Variants in JOSD2 observed in about 807,000 individuals in gnomAD.
JOSD2 encodes the protein Josephin domain containing 2.
In JOSD2, 20 loss-of-function variants were observed where a neutral mutation model predicts 19.3. The ratio of observed to expected loss-of-function variants is 1.04; its 90% CI spans 0.73 to 1.51. JOSD2 has a LOEUF of 1.51. JOSD2 is among the 40% of genes most tolerant of loss of function. The pLI is 0.00. For synonymous variants in JOSD2, 118 were observed against 123.7 expected (o/e 0.95, Z 0.31); for missense variants, 215 against 250.4 (o/e 0.86, Z 0.95).
At position 50,507,682 on chromosome 19, in the gene JOSD2, C is replaced by T. The variant is rs139728623; in HGVS notation, c.164G>A (p.Arg55Gln). The T allele has an allele frequency of 1.2e-4, 199 of 1,611,776 alleles. No homozygotes were observed. In the African/African-American group the frequency reaches 1.3e-3, roughly 11 times the overall value. ...EICKRLAPDS[R>Q]LNPHRSLLGT... Reference sequence around the variant, plus strand: ...CAGGAGGCTGCGATGAGGGTTCAGCCGGGAGTCTGGGGCCAACCTGGTAGT... The same window carrying T: ...CAGGAGGCTGCGATGAGGGTTCAGCTGGGAGTCTGGGGCCAACCTGGTAGT... Residue 55 changes from arginine to glutamine, a missense_variant, in exon 3 of 5, where the codon CGG becomes CAG. Physicochemically the swap from Arg to Gln is conservative, Grantham distance 43. Coordinates refer to ENST00000598418, the MANE Select transcript of JOSD2 (RefSeq NM_001270639.2).
chr19:50,510,328 T>C lies in JOSD2; in HGVS notation c.104A>G (p.Gln35Arg). 6.2e-7 allele frequency: 1 copy of C among 1,613,536 alleles called. No individual in the cohort carries two copies. ...AVHALNNVLQQQLFSQEAADE... is the reference protein window; with the variant it reads ...AVHALNNVLQRQLFSQEAADE... Reference sequence around the variant, plus strand: ...GGCAGCCTCCTGGCTAAAGAGCTGCTGCTGCAGAACGTTGTTGAGGGCGTG... The same window carrying C: ...GGCAGCCTCCTGGCTAAAGAGCTGCCGCTGCAGAACGTTGTTGAGGGCGTG... Residue 35 changes from glutamine to arginine, a missense_variant, in exon 2 of 5, where the codon CAG becomes CGG. Transcript: ENST00000598418.
Position 50,510,350 on chromosome 19 carries a change from C to T in JOSD2, c.82G>A (p.Ala28Thr), listed in dbSNP as rs1979707721. 3 of 1,613,574 alleles carry T rather than the reference C, an allele frequency of 1.9e-6. No individual in the cohort carries two copies. The highest frequency in any genetic ancestry group is 2.2e-5 in the South Asian group (2 of 91,092). The change falls in exon 2 of 5, where the codon GCC becomes ACC. Residue 28 changes from alanine to threonine, a missense_variant. Transcript: ENST00000598418. ...RQRLELCAVH[A>T]LNNVLQQQLF... Reference sequence around the variant, plus strand: ...TGCTGCTGCAGAACGTTGTTGAGGGCGTGGACAGCACACAGCTCCAGGCGC... The same window carrying T: ...TGCTGCTGCAGAACGTTGTTGAGGGTGTGGACAGCACACAGCTCCAGGCGC...
At chr19:50,510,720 T>C (rs556579314) in intron 1 of JOSD2, among the ~76,000 whole-genome samples, 13 of 152,172 alleles carry the variant, frequency 8.5e-5, no homozygotes, top group African/African-American at 2.9e-4. Context: ...GTCCCTATCA[T>C]GGTCACCTAG....
rs754803205 is a variant in JOSD2, at chr19:50,506,136, C to T, written c.*37G>A. ...GTGTGCGCAGCCGGAGGGGGATGCG[C>T]AGGGACTGCGCTGTGGGCGCCGATG... is the stretch of plus-strand genomic sequence containing the variant. On this transcript the variant is annotated 3_prime_UTR_variant, in exon 5 of 5. Coordinates refer to ENST00000598418, the MANE Select transcript of JOSD2 (RefSeq NM_001270639.2). 1 of 1,596,100 alleles carries T rather than the reference C, an allele frequency of 6.3e-7. No homozygotes were observed. The highest frequency in any genetic ancestry group is 8.6e-7 in the Non-Finnish European group (1 of 1,167,406).
chr19:50,506,442 C>T lies in JOSD2; in HGVS notation c.403G>A (p.Val135Ile). ...AGCTTGGAGTCCAGGTTGTAGTAGA[C>T]ACCGTCCACCTGGCGCAGGGCCACC... ...HWVALRQVDG[V>I]YYNLDSKLRA... The change falls in exon 4 of 5, where the codon GTC (valine) becomes ATC (isoleucine). Residue 135 changes from valine (V) to isoleucine (I), a missense_variant. By Grantham distance (29) the Val-to-Ile change is conservative. Coordinates refer to ENST00000598418, the MANE Select transcript of JOSD2 (RefSeq NM_001270639.2). The T allele has an allele frequency of 6.2e-7, 1 of 1,600,052 alleles. No individual in the cohort carries two copies. Among genetic ancestry groups the T allele is most frequent in the East Asian group, 2.3e-5 (1 of 44,100 alleles).
intron 2 of JOSD2, chr19:50,508,037 C>T (rs1979492914): frequency 5.0e-6 from 2 of 402,360 alleles, no homozygotes; most frequent in South Asian, 2.3e-5. Context: ...TCCTGTCTCT[C>T]CTGCCCTGAC....
Position 50,507,716 on chromosome 19 carries a change from C to A in JOSD2, c.147-17G>T. The A allele has an allele frequency of 6.2e-7, 1 of 1,606,422 alleles. No individual in the cohort carries two copies. ...GGGGCCAACCTGGTAGTGGGGGTGG[C>A]CAGAGCTGAGGTGGGGACCCCTGGA... is the stretch of plus-strand genomic sequence containing the variant. On this transcript the variant is annotated splice_polypyrimidine_tract_variant and intron_variant, in intron 2 of 4. Transcript: ENST00000598418.
intron 2 of JOSD2, among the ~76,000 whole-genome samples, chr19:50,509,382 T>C (rs1979590923): frequency 6.6e-6 from 1 of 152,036 alleles, no homozygotes; most frequent in South Asian, 2.1e-4. Context: ...TGTGAGCCAC[T>C]GCGCCCGGCC....
chr19:50,508,932 A>AGG (rs1000272945), intron 2 of JOSD2, among the ~76,000 whole-genome samples: 6 of 151,932 alleles, frequency 3.9e-5, no homozygotes, highest in Admixed American at 2.0e-4. Context: ...AGCAAGAGGC[A>AGG]GGGGAGGCAG....
intron 1 of JOSD2, 56 bp from the exon 2 acceptor site, chr19:50,510,504 C>T: frequency 1.3e-6 from 2 of 1,492,328 alleles, no homozygotes; most frequent in South Asian, 1.3e-5. Context: ...GAGGTCCAGC[C>T]TCCCAGCAGG....
chr19:50,506,136 C>G lies in JOSD2; in HGVS notation c.*37G>C, dbSNP rs754803205. 3.3e-5 allele frequency: 53 copies of G among 1,595,982 alleles called. No homozygotes were observed. Among genetic ancestry groups the G allele is most frequent in the Non-Finnish European group, 4.0e-5 (47 of 1,167,414 alleles). ...GTGTGCGCAGCCGGAGGGGGATGCGCAGGGACTGCGCTGTGGGCGCCGATG... is the reference window on the plus strand; with the variant it reads ...GTGTGCGCAGCCGGAGGGGGATGCGGAGGGACTGCGCTGTGGGCGCCGATG... On this transcript the variant is annotated 3_prime_UTR_variant, in exon 5 of 5. Transcript: ENST00000598418.
At chr19:50,507,779 A>G (rs1979473035) in intron 2 of JOSD2, 80 bp from the exon 3 acceptor site, 1 of 1,530,424 alleles carries the variant, frequency 6.5e-7, no homozygotes, top group South Asian at 1.2e-5. Context: ...AGGGGCCACA[A>G]GTTGCCTCAG....
chr19:50,510,191 GCCC>G lies in JOSD2; in HGVS notation c.146+92_146+94del, dbSNP rs1049789545. ...GCAAGTGAGCGCGGAGCAGAAGAAA[GCCC>G]CCAAGGCTCAGCGCCTGCCTGGCGG... is the stretch of plus-strand genomic sequence containing the variant. On this transcript the variant is annotated intron_variant, in intron 2 of 4. Coordinates refer to ENST00000598418, the MANE Select transcript of JOSD2 (RefSeq NM_001270639.2). 9 of 1,476,996 alleles carry G rather than the reference GCCC, an allele frequency of 6.1e-6. No homozygotes were observed. In the African/African-American group the frequency reaches 8.3e-5, roughly 14 times the overall value. The allele number at this position is 1,476,996 out of a possible 1,614,324, so 91.5% of individuals were successfully genotyped here.
chr19:50,508,704 T>C (rs2096374288), intron 2 of JOSD2, among the ~76,000 whole-genome samples: 2 of 131,846 alleles, frequency 1.5e-5, no homozygotes, highest in African/African-American at 3.2e-5. Context: ...CGCTCGTGTG[T>C]GTGTGTGTGT....
chr19:50,507,574 C>T lies in JOSD2; in HGVS notation c.272G>A (p.Arg91Lys), dbSNP rs766490562. The T allele has an allele frequency of 1.2e-6, 2 of 1,603,688 alleles. No homozygotes were observed. The highest frequency in any genetic ancestry group is 1.1e-5 in the South Asian group (1 of 90,968). Residue 91 changes from arginine (R) to lysine (K), a missense_variant and splice_region_variant, in exon 3 of 5, where the codon AGG becomes AAG. Arg to Lys is a conservative substitution (Grantham distance 26). Transcript: ENST00000598418. ...GLAAVWWDRRRPLSQLALPQV... is the reference protein window; with the variant it reads ...GLAAVWWDRRKPLSQLALPQV... Reference sequence around the variant, plus strand: ...CATGCTGTGCTGCTCTGGGGCCTACCTCCTCCTGTCCCACCACACGGCGGC... The same window carrying T: ...CATGCTGTGCTGCTCTGGGGCCTACTTCCTCCTGTCCCACCACACGGCGGC...
rs539085456 is a variant in JOSD2 at position 50,508,699 on chromosome 19, G to A, written c.147-1000C>T. Reference sequence around the variant, plus strand: ...GGCAGGACATGGGAGGAAAACGCTCGTGTGTGTGTGTGTGTGTGTGTGTGT... The same window carrying A: ...GGCAGGACATGGGAGGAAAACGCTCATGTGTGTGTGTGTGTGTGTGTGTGT... On this transcript the variant is annotated intron_variant, in intron 2 of 4. Coordinates refer to ENST00000598418, the MANE Select transcript of JOSD2 (RefSeq NM_001270639.2). Among the ~76,000 whole-genome samples, 21 of 8,214 alleles carry A rather than the reference G, an allele frequency of 2.6e-3. No homozygotes were observed. In the South Asian group the frequency reaches 0.089, roughly 35 times the overall value. 5.4% of individuals were successfully genotyped at this position (8,214 alleles called of 152,430 possible). A position where few individuals can be genotyped will look rare whatever the true frequency, so the allele number is the denominator to read the frequency against.
chr19:50,506,145 C>T lies in JOSD2; in HGVS notation c.*28G>A, dbSNP rs374045824. Reference sequence around the variant, plus strand: ...GCCGGAGGGGGATGCGCAGGGACTGCGCTGTGGGCGCCGATGGTCAGCCAT... The same window carrying T: ...GCCGGAGGGGGATGCGCAGGGACTGTGCTGTGGGCGCCGATGGTCAGCCAT... On this transcript the variant is annotated 3_prime_UTR_variant, in exon 5 of 5. Coordinates refer to ENST00000598418, the MANE Select transcript of JOSD2 (RefSeq NM_001270639.2). 5.3e-4 allele frequency: 855 copies of T among 1,604,656 alleles called. 2 individuals are homozygous for T. The highest frequency in any genetic ancestry group is 6.7e-4 in the South Asian group (61 of 90,672).
At chr19:50,506,613 C>T in intron 3 of JOSD2, 41 bp from the exon 4 acceptor site, 3 of 1,450,596 alleles carry the variant, frequency 2.1e-6, no homozygotes, top group Non-Finnish European at 2.7e-6. Context: ...AGGGCCTGCT[C>T]CGCCCGCCGG....
At chr19:50,510,514 G>A (rs544624295) in intron 1 of JOSD2, 66 bp from the exon 2 acceptor site, 3 of 1,433,588 alleles carry the variant, frequency 2.1e-6, no homozygotes, top group Non-Finnish European at 2.8e-6. Flanking sequence ...CTCCCAGCAG[G>A]CCTTTGGGGC....
Sources: allele counts gnomAD v4.1 joint callset (sites outside exome capture counted in the v4.1 genomes callset), GRCh38; gene constraint gnomAD v4.1.1; transcripts MANE v1.5; gene names NCBI Gene and HGNC (gene_info 2026-07-23, HGNC 2026-07-21).